Variants in CSMD1 observed in about 807,000 individuals in gnomAD.
The protein encoded by CSMD1 is CUB and Sushi multiple domains 1.
Under a neutral mutation model 417.5 loss-of-function variants are expected in CSMD1, and 213 were observed. The observed-to-expected ratio is 0.51, with a 90% CI of 0.46 to 0.57. The LOEUF is 0.57. Among genes scored for constraint, CSMD1 ranks in the 20% least tolerant of loss-of-function variants. CSMD1 has a pLI of 0.00. For synonymous variants in CSMD1, 2,862 were observed against 1,736.8 expected (o/e 1.65, Z -16.11); for missense variants, 6,923 against 4,529.7 (o/e 1.53, Z -15.17).
chr8:3,686,041 G>T (rs1483995225), intron 7 of CSMD1, among the ~76,000 whole-genome samples: 1 of 151,818 alleles, frequency 6.6e-6, no homozygotes, highest in African/African-American at 2.4e-5. Context: ...ACCAACCAAT[G>T]CTCCTTGCCC....
intron 3 of CSMD1, among the ~76,000 whole-genome samples, chr8:4,372,270 A>G (rs933322823): frequency 3.9e-5 from 6 of 152,166 alleles, no homozygotes; most frequent in African/African-American, 1.4e-4. Context: ...TCGGCTCTCC[A>G]TTTCATTTTA....
At chr8:4,629,969 T>C (rs888250673) in intron 2 of CSMD1, among the ~76,000 whole-genome samples, 1 of 152,122 alleles carries the variant, frequency 6.6e-6, no homozygotes, top group African/African-American at 2.4e-5. Context: ...ATTTGAATAC[T>C]TTTCCACACA....
At position 3,980,456 on chromosome 8, in the gene CSMD1, G is replaced by T. The variant is rs185881101; in HGVS notation, c.818+17447C>A. On this transcript the variant is annotated intron_variant, in intron 5 of 69. Coordinates refer to ENST00000635120, the MANE Select transcript of CSMD1 (RefSeq NM_033225.6). ...AAATCTTCACATCTTACACGTTTGT[G>T]AAGATTTTTTTTTGCCAAACTTCCT... 8.4e-3 allele frequency among the ~76,000 whole-genome samples: 1,276 copies of T among 152,234 alleles called. 6 individuals are homozygous for T. The highest frequency in any genetic ancestry group is 0.012 in the Non-Finnish European group (819 of 68,006).
At chr8:2,959,968 T>A (rs1803317521) in intron 62 of CSMD1, among the ~76,000 whole-genome samples, 1 of 152,128 alleles carries the variant, frequency 6.6e-6, no homozygotes, top group South Asian at 2.1e-4. Flanking sequence ...ATAAGGAGGG[T>A]GAAGGATTTA....
chr8:3,204,662 T>C (rs1797153838), intron 31 of CSMD1, among the ~76,000 whole-genome samples: 1 of 152,224 alleles, frequency 6.6e-6, no homozygotes, highest in Non-Finnish European at 1.5e-5. Flanking sequence ...ATATCTTTCT[T>C]GTCACATGTT....
At chr8:3,220,690 G>A (rs116620359) in intron 28 of CSMD1, among the ~76,000 whole-genome samples, 2,621 of 152,256 alleles carry the variant, frequency 0.017, 76 homozygotes, top group African/African-American at 0.059. Context: ...AATTAGCAGA[G>A]CATGGTGTCG....
At chr8:3,841,379 A>G (rs1803122383) in intron 5 of CSMD1, among the ~76,000 whole-genome samples, 1 of 152,148 alleles carries the variant, frequency 6.6e-6, no homozygotes, top group African/African-American at 2.4e-5. Context: ...GTGGTTCTCA[A>G]CCTCAAGCAA....
Position 4,118,527 on chromosome 8 carries a change from C to A in CSMD1, c.416-86428G>T, listed in dbSNP as rs1585352240. On this transcript the variant is annotated intron_variant, in intron 3 of 69. Transcript: ENST00000635120. ...CACTGGTCACTAGAGAAATGCAAAC[C>A]AAACCAAAATGGGATACCATCTCAC... Among the ~76,000 whole-genome samples the A allele has an allele frequency of 3.9e-5, 6 of 152,024 alleles. 1 individual carries two copies. The highest frequency in any genetic ancestry group is 3.9e-4 in the Admixed American group (6 of 15,276).
At chr8:3,315,920 G>T (rs1805721727) in intron 23 of CSMD1, among the ~76,000 whole-genome samples, 1 of 152,162 alleles carries the variant, frequency 6.6e-6, no homozygotes, top group Non-Finnish European at 1.5e-5. Flanking sequence ...ATTTAATGCT[G>T]GTTGTACTTT....
chr8:3,765,099 G>C (rs1220179781), intron 5 of CSMD1, among the ~76,000 whole-genome samples: 1 of 152,086 alleles, frequency 6.6e-6, no homozygotes, highest in Non-Finnish European at 1.5e-5. Flanking sequence ...CCCTTAAAAA[G>C]AGGTCAACTG....
intron 10 of CSMD1, among the ~76,000 whole-genome samples, chr8:3,565,034 C>A (rs1799638620): frequency 6.9e-6 from 1 of 145,310 alleles, no homozygotes; most frequent in Non-Finnish European, 1.5e-5. Flanking sequence ...CACACATTTA[C>A]CTGTGTAACA....
Position 4,036,007 on chromosome 8 carries a change from C to A in CSMD1, c.416-3908G>T, listed in dbSNP as rs546919639. 6.6e-5 allele frequency among the ~76,000 whole-genome samples: 10 copies of A among 152,190 alleles called. No individual in the cohort carries two copies. The South Asian group carries it at 1.9e-3, about 28-fold the overall frequency. ...TTTTATTTTTAATGCTGTTTTATTA[C>A]TGTACCTTTTCTATGTTTAGAGACA... On this transcript the variant is annotated intron_variant, in intron 3 of 69. Coordinates refer to ENST00000635120, the MANE Select transcript of CSMD1 (RefSeq NM_033225.6).
At chr8:3,349,828 A>G (rs1438362913) in intron 21 of CSMD1, among the ~76,000 whole-genome samples, 1 of 138,830 alleles carries the variant, frequency 7.2e-6, no homozygotes, top group Non-Finnish European at 1.6e-5. Context: ...TATAAAATAT[A>G]TATAATATAT....
chr8:3,947,442 A>G lies in CSMD1; in HGVS notation c.818+50461T>C, dbSNP rs137879231. Among the ~76,000 whole-genome samples, 1,262 of 152,278 alleles carry G rather than the reference A, an allele frequency of 8.3e-3. 14 individuals are homozygous for G. The highest frequency in any genetic ancestry group is 0.028 in the African/African-American group (1,175 of 41,540). ...GGATCTTATTTCACAACATTTTTAA[A>G]AGGTTTTTTCTGTTTTCGTTTCATC... On this transcript the variant is annotated intron_variant, in intron 5 of 69. Transcript: ENST00000635120.
intron 5 of CSMD1, among the ~76,000 whole-genome samples, chr8:3,777,610 C>T (rs530437520): frequency 1.4e-4 from 22 of 152,318 alleles, no homozygotes; most frequent in Admixed American, 1.0e-3. Context: ...GAATGAGATG[C>T]CTCCCCCACC....
intron 9 of CSMD1, among the ~76,000 whole-genome samples, chr8:3,584,279 G>C (rs949543100): frequency 6.6e-6 from 1 of 152,154 alleles, no homozygotes; most frequent in Non-Finnish European, 1.5e-5. Flanking sequence ...GAAAGGAAGA[G>C]GCAGAGTCTT....
chr8:3,096,738 A>T (rs1343600787), intron 47 of CSMD1, 111 bp downstream of exon 47: 1 of 775,756 alleles, frequency 1.3e-6, no homozygotes, highest in Admixed American at 3.1e-5. Context: ...CTTTGGGAAA[A>T]CATAAGTTAA....
At chr8:4,014,837 T>A (rs1194541271) in intron 4 of CSMD1, among the ~76,000 whole-genome samples, 1 of 152,246 alleles carries the variant, frequency 6.6e-6, no homozygotes, top group South Asian at 2.1e-4. Context: ...GGTATCTGCA[T>A]GGAATAAAAT....
intron 3 of CSMD1, among the ~76,000 whole-genome samples, chr8:4,178,328 A>G (rs1382301341): frequency 1.3e-5 from 2 of 151,418 alleles, no homozygotes; most frequent in Non-Finnish European, 2.9e-5. Flanking sequence ...AAAGACAAAA[A>G]CCACATGATT....
Sources: gnomAD v4.1 joint callset for allele counts (sites outside exome capture counted in the v4.1 genomes callset) on GRCh38, gnomAD v4.1.1 for gene constraint, MANE v1.5 for transcripts, NCBI Gene and HGNC (gene_info 2026-07-23, HGNC 2026-07-21) for gene names.